The following HIGD1C variants were observed in gnomAD, a reference collection of about 807,000 sequenced individuals.
HIGD1C encodes HIG1 hypoxia inducible domain family member 1C.
HIGD1C carries 11 observed loss-of-function variants against 13.1 expected under a neutral mutation model. That is an observed-to-expected ratio of 0.84 (90% confidence interval 0.53 to 1.39). HIGD1C has a LOEUF of 1.39. Ranked by LOEUF, HIGD1C falls within the 40% of genes most tolerant of loss-of-function variation. The probability of loss-of-function intolerance (pLI) is 0.00; values close to 1 mark genes in which losing one functional copy is unlikely to be tolerated. For missense variants in HIGD1C, 110 were observed against 112.0 expected (o/e 0.98, Z 0.08); for synonymous variants, 36 against 37.7 (o/e 0.95, Z 0.17).
At chr12:50,957,184 G>T (rs1338768385) in intron 1 of HIGD1C, among the ~76,000 whole-genome samples, 4 of 151,438 alleles carry the variant, frequency 2.6e-5, no homozygotes, top group Non-Finnish European at 5.9e-5. Context: ...TTCCAAACAT[G>T]CTATCCACAT....
chr12:50,971,762 C>A (rs1373052456), downstream of HIGD1C, among the ~76,000 whole-genome samples: 1 of 152,226 alleles, frequency 6.6e-6, no homozygotes, highest in Admixed American at 6.5e-5. Context: ...CTGGTGGGTA[C>A]TTCCTTTTCC....
intron 2 of HIGD1C, among the ~76,000 whole-genome samples, chr12:50,964,438 A>G (rs1226315824): frequency 6.6e-6 from 1 of 152,244 alleles, no homozygotes; most frequent in Non-Finnish European, 1.5e-5. Flanking sequence ...ATCACAGGAC[A>G]TGGGAGTACC....
upstream of HIGD1C, among the ~76,000 whole-genome samples, chr12:50,952,617 G>A (rs1263984288): frequency 6.6e-6 from 1 of 152,202 alleles, no homozygotes; most frequent in Non-Finnish European, 1.5e-5. Flanking sequence ...CACAGGCGCA[G>A]GGACTAGCCA....
At chr12:50,966,086 C>G (rs1380022244) in intron 2 of HIGD1C, among the ~76,000 whole-genome samples, 1 of 152,136 alleles carries the variant, frequency 6.6e-6, no homozygotes, top group Non-Finnish European at 1.5e-5. Flanking sequence ...TTCTGATGAC[C>G]ACTTAGGCTT....
At chr12:50,959,814 A>C (rs1939255040) in intron 1 of HIGD1C, among the ~76,000 whole-genome samples, 1 of 151,512 alleles carries the variant, frequency 6.6e-6, no homozygotes, top group South Asian at 2.1e-4. Flanking sequence ...CGCCCGGCTA[A>C]TTTTTTTGTA....
chr12:50,947,326 T>C, the HIGD1C span, among the ~76,000 whole-genome samples: 1 of 152,222 alleles, frequency 6.6e-6, no homozygotes, highest in African/African-American at 2.4e-5. Context: ...CGGGTCTCAC[T>C]AGGCTACAGT....
In HIGD1C at chr12:50,964,161, A is replaced by C. The variant is rs144545139; in HGVS notation, c.229+3059A>C. Among the ~76,000 whole-genome samples the C allele has an allele frequency of 3.0e-3, 455 of 152,350 alleles. 2 individuals carry two copies. Among genetic ancestry groups the C allele is most frequent in the Non-Finnish European group, 5.4e-3 (370 of 68,030 alleles). The stretch of plus-strand genomic sequence containing the variant: ...GTGGGGAATAGAAAAAAATTGGGCT[A>C]ATCTATACATAAATGCATTCATATC... On this transcript the variant is annotated intron_variant, in intron 2 of 2. Coordinates refer to ENST00000398455, the Ensembl canonical transcript of HIGD1C.
At chr12:50,936,179 A>T in the HIGD1C span, among the ~76,000 whole-genome samples, 2 of 147,412 alleles carry the variant, frequency 1.4e-5, no homozygotes, top group Admixed American at 6.7e-5. Context: ...AAAAAAATGT[A>T]CCTCACACTG....
chr12:50,948,466 T>C, the HIGD1C span, among the ~76,000 whole-genome samples: 1 of 152,142 alleles, frequency 6.6e-6, no homozygotes, highest in Non-Finnish European at 1.5e-5. Context: ...AATGCCAATA[T>C]ATTAAAACCT....
chr12:50,939,821 A>C, the HIGD1C span: 1 of 152,168 alleles, frequency 6.6e-6, no homozygotes, highest in Non-Finnish European at 1.5e-5. Flanking sequence ...CTGCTTCCTT[A>C]AGCATTTGTA....
upstream of HIGD1C, among the ~76,000 whole-genome samples, chr12:50,950,114 G>A (rs1392472890): frequency 6.6e-6 from 1 of 152,104 alleles, no homozygotes; most frequent in Non-Finnish European, 1.5e-5. Context: ...CGGGTGACAG[G>A]ACCAAGGCAC....
chr12:50,951,840 T>C (rs1938906798), upstream of HIGD1C, among the ~76,000 whole-genome samples: 1 of 149,158 alleles, frequency 6.7e-6, no homozygotes, highest in Admixed American at 6.8e-5. Context: ...GAGAATTGCT[T>C]GAACCAAGGA....
chr12:50,952,222 A>G (rs1938923707), upstream of HIGD1C, among the ~76,000 whole-genome samples: 1 of 152,158 alleles, frequency 6.6e-6, no homozygotes, highest in South Asian at 2.1e-4. Flanking sequence ...AATGCATACA[A>G]AAGTATATGG....
At chr12:50,936,796 A>G in the HIGD1C span, among the ~76,000 whole-genome samples, 1 of 152,214 alleles carries the variant, frequency 6.6e-6, no homozygotes, top group African/African-American at 2.4e-5. Flanking sequence ...ACTTTTGCCA[A>G]TCCTTTGATA....
At chr12:50,947,580 G>C in the HIGD1C span, among the ~76,000 whole-genome samples, 1 of 151,748 alleles carries the variant, frequency 6.6e-6, no homozygotes, top group Non-Finnish European at 1.5e-5. Flanking sequence ...CTCAACTCAA[G>C]GTCAGTTGAT....
the HIGD1C span, among the ~76,000 whole-genome samples, chr12:50,940,712 G>C: frequency 7.5e-6 from 1 of 133,942 alleles, no homozygotes; most frequent in Non-Finnish European, 1.6e-5. Flanking sequence ...GACAGAGTGA[G>C]ACCCCATCTC....
At chr12:50,966,755 T>C (rs1939555282) in intron 2 of HIGD1C, among the ~76,000 whole-genome samples, 1 of 152,214 alleles carries the variant, frequency 6.6e-6, no homozygotes, top group Non-Finnish European at 1.5e-5. Context: ...ATTTCATTTA[T>C]GTCTGCCACA....
the HIGD1C span, among the ~76,000 whole-genome samples, chr12:50,946,349 T>A: frequency 1.3e-5 from 2 of 152,114 alleles, no homozygotes; most frequent in African/African-American, 4.8e-5. Context: ...AGGGTTAATA[T>A]CCAGAATCTA....
chr12:50,964,771 G>A (rs959631557), intron 2 of HIGD1C, among the ~76,000 whole-genome samples: 2 of 152,212 alleles, frequency 1.3e-5, no homozygotes, highest in Admixed American at 6.5e-5. Flanking sequence ...ACCACATCTG[G>A]ATAGCAGAGT....
Sources: allele counts gnomAD v4.1 joint callset (sites outside exome capture counted in the v4.1 genomes callset), GRCh38; gene constraint gnomAD v4.1.1; transcripts MANE v1.5; gene names NCBI Gene and HGNC (gene_info 2026-07-23, HGNC 2026-07-21).